Variants in PSMD11 observed in about 807,000 individuals in gnomAD.
The protein encoded by PSMD11 is 26S proteasome non-ATPase regulatory subunit 11.
A neutral mutation model predicts 62.3 loss-of-function variants in PSMD11; 5 were observed. The observed-to-expected ratio is 0.08, with a 90% confidence interval of 0.04 to 0.17. The LOEUF is 0.17. Ranked by LOEUF, PSMD11 falls within the 10% of genes least tolerant of loss-of-function variation. The pLI, the probability that PSMD11 is intolerant of heterozygous loss-of-function variation, is 1.00. For missense variants in PSMD11, 310 were observed against 512.9 expected (o/e 0.60, Z 3.82); for synonymous variants, 191 against 191.8 (o/e 1.00, Z 0.03).
intron 6 of PSMD11, among the ~76,000 whole-genome samples, chr17:32,470,162 G>A (rs1385890491): frequency 1.3e-5 from 2 of 151,868 alleles, no homozygotes; most frequent in Non-Finnish European, 2.9e-5. Flanking sequence ...ACAGGAGCGC[G>A]ACACCATGCC....
At chr17:32,453,088 C>G (rs1907554279) in intron 2 of PSMD11, among the ~76,000 whole-genome samples, 1 of 152,196 alleles carries the variant, frequency 6.6e-6, no homozygotes, top group South Asian at 2.1e-4. Context: ...GCTTTGTGAA[C>G]ATTTCTGTGA....
intron 2 of PSMD11, 177 bp downstream of exon 2, chr17:32,447,223 G>A (rs754704706): frequency 3.4e-5 from 17 of 504,734 alleles, no homozygotes; most frequent in Non-Finnish European, 5.5e-5. Context: ...TTCTTTCCTG[G>A]TAGTTTAGTT....
At chr17:32,474,273 G>A (rs1908256618) in intron 7 of PSMD11, among the ~76,000 whole-genome samples, 1 of 152,174 alleles carries the variant, frequency 6.6e-6, no homozygotes, top group African/African-American at 2.4e-5. Flanking sequence ...GCCAGTAACA[G>A]CCAACTGAGC....
chr17:32,470,244 A>G (rs993879739), intron 6 of PSMD11, among the ~76,000 whole-genome samples: 6 of 151,058 alleles, frequency 4.0e-5, no homozygotes, highest in African/African-American at 7.3e-5. Flanking sequence ...GGCTCAAGCA[A>G]TTTTCCCACC....
At chr17:32,447,695 G>A (rs1462085619) in intron 2 of PSMD11, among the ~76,000 whole-genome samples, 1 of 152,130 alleles carries the variant, frequency 6.6e-6, no homozygotes, top group Non-Finnish European at 1.5e-5. Context: ...AGAGAAGTCT[G>A]TTTAAACTTA....
At chr17:32,469,641 C>CT (rs1908102158) in intron 6 of PSMD11, among the ~76,000 whole-genome samples, 1 of 151,652 alleles carries the variant, frequency 6.6e-6, no homozygotes, top group Non-Finnish European at 1.5e-5. Flanking sequence ...CGATGGAGTG[C>CT]GTGAATGTGA....
intron 11 of PSMD11, 73 bp downstream of exon 11, chr17:32,479,959 T>G: frequency 6.5e-7 from 1 of 1,544,196 alleles, no homozygotes; most frequent in Non-Finnish European, 9.0e-7. Flanking sequence ...ATGCACCTGA[T>G]TGGCCTCATT....
In PSMD11 at chr17:32,479,238, G is replaced by GT; in HGVS notation, c.913-11dup. On this transcript the variant is annotated splice_polypyrimidine_tract_variant and intron_variant, in intron 9 of 13. Transcript: ENST00000261712. Reference sequence around the variant, plus strand: ...TTCTCTGTGCCAATCTCTGCAACTGGTTCCTTTGGCAGGCTCTGACAGATT... The same window carrying GT: ...TTCTCTGTGCCAATCTCTGCAACTGGTTTCCTTTGGCAGGCTCTGACAGATT... The GT allele has an allele frequency of 1.2e-6, 2 of 1,613,394 alleles. No homozygotes were observed. The highest frequency in any genetic ancestry group is 1.7e-6 in the Non-Finnish European group (2 of 1,179,610).
At chr17:32,469,542 T>C (rs193215657) in intron 6 of PSMD11, among the ~76,000 whole-genome samples, 114 of 151,590 alleles carry the variant, frequency 7.5e-4, no homozygotes, top group African/African-American at 2.7e-3. Context: ...TTGGAGATCT[T>C]TGTAAAGTTG....
intron 3 of PSMD11, among the ~76,000 whole-genome samples, chr17:32,461,011 C>T (rs1311909468): frequency 6.6e-6 from 1 of 152,062 alleles, no homozygotes; most frequent in African/African-American, 2.4e-5. Flanking sequence ...ACTTTCCTTC[C>T]AGGGATCTCT....
intron 6 of PSMD11, among the ~76,000 whole-genome samples, chr17:32,473,031 G>T (rs550200997): frequency 6.6e-6 from 1 of 150,890 alleles, no homozygotes; most frequent in Admixed American, 6.6e-5. Flanking sequence ...GGTAGTGGGT[G>T]CCTGTAATCC....
intron 7 of PSMD11, 80 bp downstream of exon 7, chr17:32,474,025 A>G: frequency 6.5e-7 from 1 of 1,541,204 alleles, no homozygotes; most frequent in Non-Finnish European, 8.9e-7. Context: ...TGGCCTGAGC[A>G]GGGAGTTTGG....
chr17:32,480,405 A>T, intron 12 of PSMD11, 84 bp from the exon 13 acceptor site: 1 of 1,535,844 alleles, frequency 6.5e-7, no homozygotes, highest in Non-Finnish European at 9.0e-7. Flanking sequence ...GGACACAGTG[A>T]GTCAACTAGG....
chr17:32,480,421 G>T lies in PSMD11; in HGVS notation c.1127-68G>T, dbSNP rs575591991. 2.0e-5 allele frequency: 31 copies of T among 1,582,712 alleles called. No individual in the cohort carries two copies. The South Asian group carries it at 3.4e-4, about 18-fold the overall frequency. ...GACACAGTGAGTCAACTAGGGAGTGGGCTGCTTCACAAACACTTTTGTGTC... is the reference window on the plus strand; with the variant it reads ...GACACAGTGAGTCAACTAGGGAGTGTGCTGCTTCACAAACACTTTTGTGTC... On this transcript the variant is annotated intron_variant, in intron 12 of 13. Coordinates refer to ENST00000261712, the MANE Select transcript of PSMD11 (RefSeq NM_002815.4).
chr17:32,444,519 G>C lies in PSMD11; in HGVS notation c.-5G>C. The C allele has an allele frequency of 1.3e-6, 2 of 1,591,640 alleles. No homozygotes were observed. Among genetic ancestry groups the C allele is most frequent in the Non-Finnish European group, 1.7e-6 (2 of 1,169,738 alleles). ...CGCGGCCGGGGACGGTGTGAGAGCG[G>C]TAAGATGGCGGCGGCGGCGGTGGTG... On this transcript the variant is annotated 5_prime_UTR_variant, in exon 1 of 14. Transcript: ENST00000261712.
At chr17:32,480,291 C>T (rs1445945380) in intron 12 of PSMD11, 94 bp downstream of exon 12, 27 of 1,532,654 alleles carry the variant, frequency 1.8e-5, no homozygotes, top group South Asian at 1.7e-4. Context: ...TTGTTTCCCC[C>T]GATGGTTCAC....
intron 6 of PSMD11, among the ~76,000 whole-genome samples, chr17:32,473,091 G>A (rs1908217574): frequency 6.6e-6 from 1 of 150,784 alleles, no homozygotes; most frequent in Non-Finnish European, 1.5e-5. Context: ...CCACGAGGCG[G>A]AGGTTGCCGT....
chr17:32,451,990 A>G (rs1015992689), intron 2 of PSMD11, among the ~76,000 whole-genome samples: 4 of 152,174 alleles, frequency 2.6e-5, no homozygotes, highest in African/African-American at 9.7e-5. Flanking sequence ...TTGGCCTTCC[A>G]AAGTGCTAGG....
intron 10 of PSMD11, 122 bp from the exon 11 acceptor site, chr17:32,479,729 C>A: frequency 8.5e-7 from 1 of 1,182,226 alleles, no homozygotes; most frequent in Non-Finnish European, 1.2e-6. Context: ...TAAGCACGGC[C>A]AAGGAGGGTC....
Sources: gnomAD v4.1 joint callset for allele counts (sites outside exome capture counted in the v4.1 genomes callset) on GRCh38, gnomAD v4.1.1 for gene constraint, MANE v1.5 for transcripts, NCBI Gene and HGNC (gene_info 2026-07-23, HGNC 2026-07-21) for gene names.